Variants in MRAS observed in about 807,000 individuals in gnomAD.
MRAS encodes the protein ras-related protein M-Ras.
In MRAS, 4 loss-of-function variants were observed where a neutral mutation model predicts 20.9. The observed-to-expected ratio is 0.19, with a 90% CI of 0.09 to 0.44. The LOEUF is 0.44. Ranked by LOEUF, MRAS falls within the 20% of genes least tolerant of loss-of-function variation. The pLI, the probability that MRAS is intolerant of heterozygous loss-of-function variation, is 0.99. For missense variants in MRAS, 154 were observed against 277.5 expected, an observed-to-expected ratio of 0.56 and a Z score of 3.16; for synonymous variants, 98 against 102.9, an observed-to-expected ratio of 0.95 and a Z score of 0.29.
intron 2 of MRAS, among the ~76,000 whole-genome samples, chr3:138,391,556 T>C (rs990554937): frequency 6.6e-6 from 1 of 152,222 alleles, no homozygotes; most frequent in Admixed American, 6.5e-5. Flanking sequence ...AATATGAACT[T>C]TGTTTTATGC....
chr3:138,351,671 C>T (rs1560157375), intron 1 of MRAS, among the ~76,000 whole-genome samples: 3 of 152,162 alleles, frequency 2.0e-5, no homozygotes, highest in Admixed American at 1.3e-4. Context: ...GCTCAGATCT[C>T]CCAAAGATGC....
intron 2 of MRAS, among the ~76,000 whole-genome samples, chr3:138,379,506 T>C (rs2054855991): frequency 1.3e-5 from 2 of 151,982 alleles, no homozygotes; most frequent in Non-Finnish European, 2.9e-5. Flanking sequence ...TACAGGCACC[T>C]GCCAACACGC....
chr3:138,364,260 C>T (rs910001947), intron 1 of MRAS, among the ~76,000 whole-genome samples: 5 of 152,048 alleles, frequency 3.3e-5, no homozygotes, highest in Non-Finnish European at 7.4e-5. Flanking sequence ...GCAGGGCGCT[C>T]AAGGAACTCA....
At chr3:138,364,019 C>T (rs77573031) in intron 1 of MRAS, among the ~76,000 whole-genome samples, 2,390 of 152,220 alleles carry the variant, frequency 0.016, 60 homozygotes, top group African/African-American at 0.053. Flanking sequence ...TCTGAGGAGC[C>T]GTCTTGAGGA....
intron 2 of MRAS, among the ~76,000 whole-genome samples, chr3:138,385,223 A>G (rs2054986738): frequency 7.9e-6 from 1 of 126,626 alleles, no homozygotes; most frequent in Non-Finnish European, 1.6e-5. Context: ...GCTGGAGTTC[A>G]GTGGCATGAT....
At chr3:138,383,137 G>C (rs1441560214) in intron 2 of MRAS, among the ~76,000 whole-genome samples, 1 of 152,198 alleles carries the variant, frequency 6.6e-6, no homozygotes, top group Non-Finnish European at 1.5e-5. Context: ...CAAATTGTGA[G>C]TTCCTTGAGG....
At chr3:138,382,459 C>T (rs1403992759) in intron 2 of MRAS, among the ~76,000 whole-genome samples, 1 of 152,242 alleles carries the variant, frequency 6.6e-6, no homozygotes, top group Non-Finnish European at 1.5e-5. Flanking sequence ...AAATCACTTT[C>T]CAGGTGAGCG....
chr3:138,367,225 A>G (rs558744172), intron 1 of MRAS, among the ~76,000 whole-genome samples: 6 of 152,150 alleles, frequency 3.9e-5, no homozygotes, highest in Non-Finnish European at 8.8e-5. Flanking sequence ...GTCGATGCAA[A>G]TATGCCCTTG....
intron 1 of MRAS, among the ~76,000 whole-genome samples, chr3:138,368,946 G>A (rs2054619301): frequency 6.6e-6 from 1 of 152,104 alleles, no homozygotes; most frequent in African/African-American, 2.4e-5. Flanking sequence ...AGCACCTTTA[G>A]GAATTGGGGG....
intron 1 of MRAS, among the ~76,000 whole-genome samples, chr3:138,354,392 A>G (rs193066313): frequency 2.6e-5 from 4 of 152,344 alleles, no homozygotes; most frequent in Non-Finnish European, 5.9e-5. Flanking sequence ...TGCCCTGGCC[A>G]GTTTGGCCCA....
chr3:138,386,971 A>G (rs1208069902), intron 2 of MRAS, among the ~76,000 whole-genome samples: 1 of 152,184 alleles, frequency 6.6e-6, no homozygotes, highest in African/African-American at 2.4e-5. Context: ...CATGTTTAAC[A>G]TTTTGAGGAA....
intron 1 of MRAS, among the ~76,000 whole-genome samples, chr3:138,364,006 G>C (rs1206164735): frequency 1.3e-5 from 2 of 152,122 alleles, no homozygotes; most frequent in Non-Finnish European, 2.9e-5. Context: ...GCAAAAGAAG[G>C]CATCTGAGGA....
intron 2 of MRAS, among the ~76,000 whole-genome samples, chr3:138,379,334 T>C (rs931192521): frequency 6.6e-6 from 1 of 150,902 alleles, no homozygotes; most frequent in African/African-American, 2.4e-5. Flanking sequence ...GTTCCATCCA[T>C]GTTGCTGCAA....
intron 1 of MRAS, among the ~76,000 whole-genome samples, chr3:138,355,175 C>T (rs1189758031): frequency 6.6e-6 from 1 of 152,176 alleles, no homozygotes; most frequent in African/African-American, 2.4e-5. Context: ...CATAACTTCA[C>T]AGTTTTCCCT....
intron 1 of MRAS, among the ~76,000 whole-genome samples, chr3:138,363,327 C>T (rs1467908045): frequency 6.6e-6 from 1 of 152,164 alleles, no homozygotes; most frequent in East Asian, 1.9e-4. Context: ...TTCCAAAGTG[C>T]TGGGATTACA....
upstream of MRAS, chr3:138,348,308 A>G (rs1002905509): frequency 2.6e-5 from 4 of 152,216 alleles, no homozygotes; most frequent in African/African-American, 9.6e-5. Flanking sequence ...GCTCCCCGGC[A>G]CCACGGATCT....
At chr3:138,387,664 G>A (rs1047961949) in intron 2 of MRAS, among the ~76,000 whole-genome samples, 3 of 152,136 alleles carry the variant, frequency 2.0e-5, no homozygotes, top group Admixed American at 6.5e-5. Flanking sequence ...CCAGGCCCCC[G>A]TCTGTTGGTG....
intron 2 of MRAS, among the ~76,000 whole-genome samples, 193 bp from the exon 3 acceptor site, chr3:138,397,131 C>A (rs547852178): frequency 6.6e-6 from 1 of 152,126 alleles, no homozygotes; most frequent in Non-Finnish European, 1.5e-5. Flanking sequence ...CACCCTGAAG[C>A]GGCTTTAAGG....
At chr3:138,387,277 G>A (rs1055046007) in intron 2 of MRAS, among the ~76,000 whole-genome samples, 2 of 152,214 alleles carry the variant, frequency 1.3e-5, no homozygotes, top group African/African-American at 4.8e-5. Flanking sequence ...CTGCCCAGGC[G>A]CAGGTGCGGA....
Sources: allele counts gnomAD v4.1 joint callset (sites outside exome capture counted in the v4.1 genomes callset), GRCh38; gene constraint gnomAD v4.1.1; transcripts MANE v1.5; gene names NCBI Gene and HGNC (gene_info 2026-07-23, HGNC 2026-07-21).